The following GRIN2B variants were observed in gnomAD, a reference collection of about 807,000 sequenced individuals.
GRIN2B encodes glutamate receptor ionotropic, NMDA 2B.
A neutral mutation model predicts 114.5 loss-of-function variants in GRIN2B; 5 were observed. The ratio of observed to expected loss-of-function variants is 0.04; its 90% CI spans 0.02 to 0.09. The LOEUF is 0.09. Among genes scored for constraint, GRIN2B ranks in the 10% least tolerant of loss-of-function variants. The probability of loss-of-function intolerance (pLI) is 1.00; values close to 1 mark genes in which losing one functional copy is unlikely to be tolerated. For missense variants in GRIN2B, 1,108 were observed against 1,943.5 expected, an observed-to-expected ratio of 0.57 and a Z score of 8.08; for synonymous variants, 787 against 745.1, an observed-to-expected ratio of 1.06 and a Z score of -0.92.
At chr12:13,873,487 C>T (rs1205371898) in intron 2 of GRIN2B, among the ~76,000 whole-genome samples, 1 of 152,170 alleles carries the variant, frequency 6.6e-6, no homozygotes, top group Non-Finnish European at 1.5e-5. Context: ...GTAGAAATAA[C>T]ACATAAAAGG....
intron 2 of GRIN2B, among the ~76,000 whole-genome samples, chr12:13,951,569 T>A (rs1056098906): frequency 3.3e-5 from 5 of 152,226 alleles, no homozygotes; most frequent in African/African-American, 9.6e-5. Flanking sequence ...AATTCATGGT[T>A]GGTAGAGCTG....
At chr12:13,692,571 C>T (rs1471861665) in intron 4 of GRIN2B, among the ~76,000 whole-genome samples, 1 of 151,784 alleles carries the variant, frequency 6.6e-6, no homozygotes, top group Non-Finnish European at 1.5e-5. Flanking sequence ...AGGTGAACTG[C>T]CGTGTCTACA....
chr12:13,703,835 G>C (rs929781986), intron 4 of GRIN2B, among the ~76,000 whole-genome samples: 1 of 152,098 alleles, frequency 6.6e-6, no homozygotes, highest in African/African-American at 2.4e-5. Flanking sequence ...TCCCACTTGG[G>C]AAACATAAAA....
chr12:13,574,802 A>G (rs1360563403), intron 10 of GRIN2B, among the ~76,000 whole-genome samples: 1 of 152,248 alleles, frequency 6.6e-6, no homozygotes, highest in Non-Finnish European at 1.5e-5. Context: ...AAAGGAAAAA[A>G]AAGTTAAAGG....
At chr12:13,893,757 G>A (rs913038840) in intron 2 of GRIN2B, among the ~76,000 whole-genome samples, 6 of 151,772 alleles carry the variant, frequency 4.0e-5, no homozygotes, top group Non-Finnish European at 7.4e-5. Flanking sequence ...CAATGATTTC[G>A]AAGAACTGAT....
At chr12:13,660,107 A>G (rs1949906684) in intron 5 of GRIN2B, among the ~76,000 whole-genome samples, 1 of 152,154 alleles carries the variant, frequency 6.6e-6, no homozygotes, top group Non-Finnish European at 1.5e-5. Context: ...GATGCAAGAG[A>G]GAGGGCCCCA....
intron 3 of GRIN2B, among the ~76,000 whole-genome samples, chr12:13,804,167 T>G (rs940926668): frequency 3.0e-4 from 45 of 151,884 alleles, no homozygotes; most frequent in African/African-American, 8.2e-4. Flanking sequence ...CTTTTTTTTT[T>G]TTGTTAGTGA....
At chr12:13,960,985 G>A (rs1867679362) in intron 2 of GRIN2B, among the ~76,000 whole-genome samples, 1 of 152,168 alleles carries the variant, frequency 6.6e-6, no homozygotes, top group Non-Finnish European at 1.5e-5. Context: ...AGAATGCTCA[G>A]AGAGCCCATG....
At chr12:13,659,162 AG>A (rs966767113) in intron 5 of GRIN2B, among the ~76,000 whole-genome samples, 7 of 152,158 alleles carry the variant, frequency 4.6e-5, no homozygotes, top group African/African-American at 1.7e-4. Context: ...CTGACTCAAC[AG>A]TAACTCAGAA....
chr12:13,758,512 G>A (rs556908669), intron 3 of GRIN2B, among the ~76,000 whole-genome samples: 51 of 152,282 alleles, frequency 3.3e-4, no homozygotes, highest in African/African-American at 1.2e-3. Context: ...AGGCATTATT[G>A]GGCTCAATAT....
chr12:13,624,222 A>G (rs1226179374), intron 5 of GRIN2B, among the ~76,000 whole-genome samples: 1 of 152,192 alleles, frequency 6.6e-6, no homozygotes, highest in Non-Finnish European at 1.5e-5. Context: ...GGACTATATT[A>G]GATTGCCTTT....
intron 4 of GRIN2B, among the ~76,000 whole-genome samples, chr12:13,690,598 TA>T (rs969283650): frequency 1.3e-5 from 2 of 152,144 alleles, no homozygotes; most frequent in Non-Finnish European, 2.9e-5. Context: ...TACACTGCCA[TA>T]AAAACATAGA....
chr12:13,583,472 T>G (rs533426908), intron 10 of GRIN2B, among the ~76,000 whole-genome samples: 1 of 152,332 alleles, frequency 6.6e-6, no homozygotes, highest in African/African-American at 2.4e-5. Flanking sequence ...GATACTCATA[T>G]TTAACTGTAA....
rs1948504506 is a variant in GRIN2B, at chr12:13,558,778, C to T, written c.*4005G>A. 1 of 152,172 alleles carries T rather than the reference C, an allele frequency of 6.6e-6. No homozygotes were observed. Among genetic ancestry groups the T allele is most frequent in the East Asian group, 1.9e-4 (1 of 5,200 alleles). 9.4% of individuals were successfully genotyped at this position (152,172 alleles called of 1,614,324 possible). On this transcript the variant is annotated 3_prime_UTR_variant, in exon 14 of 14. Coordinates refer to ENST00000609686, the MANE Select transcript of GRIN2B (RefSeq NM_000834.5). ...TTCCCAAGTTCTGGCTGAGGATACA[C>T]AGTGACAGATTTTGAAATAACAAAG... is the stretch of plus-strand genomic sequence containing the variant.
At chr12:13,848,357 A>G (rs1865502708) in intron 3 of GRIN2B, among the ~76,000 whole-genome samples, 1 of 152,120 alleles carries the variant, frequency 6.6e-6, no homozygotes, top group Admixed American at 6.5e-5. Context: ...GGCCACGTGG[A>G]GGACAGACCC....
intron 2 of GRIN2B, among the ~76,000 whole-genome samples, chr12:13,917,533 G>A (rs551156175): frequency 1.3e-5 from 2 of 152,242 alleles, no homozygotes; most frequent in African/African-American, 4.8e-5. Context: ...ATAGAGTGAC[G>A]CACAAGAAGG....
At position 13,795,473 on chromosome 12, in the gene GRIN2B, C is replaced by T. The variant is rs186590053; in HGVS notation, c.412-41558G>A. ...TTAACTCTGAACTTCCGTTTTCTCA[C>T]CTGTAAGATGGGCATATTGATAATG... On this transcript the variant is annotated intron_variant, in intron 3 of 13. Transcript: ENST00000609686. 1.9e-3 allele frequency among the ~76,000 whole-genome samples: 292 copies of T among 152,194 alleles called. 4 individuals carry two copies. Among genetic ancestry groups the T allele is most frequent in the Middle Eastern group, 6.9e-3 (2 of 290 alleles).
chr12:13,636,123 G>T (rs1949663706), intron 5 of GRIN2B, among the ~76,000 whole-genome samples: 1 of 152,206 alleles, frequency 6.6e-6, no homozygotes, highest in Admixed American at 6.5e-5. Context: ...GTGAGCAGAG[G>T]CTTGAATAAA....
chr12:13,918,431 G>C (rs1866768054), intron 2 of GRIN2B, among the ~76,000 whole-genome samples: 1 of 152,116 alleles, frequency 6.6e-6, no homozygotes, highest in South Asian at 2.1e-4. Context: ...ACGGAAAATA[G>C]TCAGTACTCA....
Sources: gnomAD v4.1 joint callset for allele counts (sites outside exome capture counted in the v4.1 genomes callset) on GRCh38, gnomAD v4.1.1 for gene constraint, MANE v1.5 for transcripts, NCBI Gene and HGNC (gene_info 2026-07-23, HGNC 2026-07-21) for gene names.